Variants in DOCK3 observed in about 807,000 individuals in gnomAD.
DOCK3 encodes the protein dedicator of cytokinesis protein 3.
Under a neutral mutation model 265.6 loss-of-function variants are expected in DOCK3, and 60 were observed. That is an observed-to-expected ratio of 0.23 (90% CI 0.18 to 0.28). The LOEUF (loss-of-function observed/expected upper bound fraction) is 0.28. Among genes scored for constraint, DOCK3 ranks in the 10% least tolerant of loss-of-function variants. The pLI is 1.00. For missense variants in DOCK3, 1,981 were observed against 2,594.3 expected (o/e 0.76, Z 5.14); for synonymous variants, 881 against 938.0 (o/e 0.94, Z 1.11).
At position 50,687,784 on chromosome 3, in the gene DOCK3, C is replaced by CAAA. The variant is rs2034935274; in HGVS notation, c.37+12486_37+12488dup. Among the ~76,000 whole-genome samples, 4 of 152,316 alleles carry CAAA rather than the reference C, an allele frequency of 2.6e-5. No individual in the cohort carries two copies. In the South Asian group the frequency reaches 8.3e-4, roughly 32 times the overall value. On this transcript the variant is annotated intron_variant, in intron 1 of 52. Coordinates refer to ENST00000266037, the MANE Select transcript of DOCK3 (RefSeq NM_004947.5). Reference sequence around the variant, plus strand: ...CATTCCATCTATGCATATACTGACACAAAATGACCAGTTTAGTTTTCCTGA... The same window carrying CAAA: ...CATTCCATCTATGCATATACTGACACAAAAAAATGACCAGTTTAGTTTTCCTGA...
At chr3:50,923,650 C>T (rs1276072009) in intron 4 of DOCK3, among the ~76,000 whole-genome samples, 1 of 152,146 alleles carries the variant, frequency 6.6e-6, no homozygotes, top group East Asian at 1.9e-4. Context: ...TAAATATATA[C>T]ATGACATAGC....
intron 38 of DOCK3, among the ~76,000 whole-genome samples, chr3:51,347,372 C>T (rs1222836793): frequency 6.6e-6 from 1 of 152,116 alleles, no homozygotes; most frequent in Non-Finnish European, 1.5e-5. Flanking sequence ...GCCAGTTTTC[C>T]CAGCACCATT....
chr3:50,826,260 G>A (rs1480045581), intron 2 of DOCK3, among the ~76,000 whole-genome samples: 3 of 151,666 alleles, frequency 2.0e-5, no homozygotes, highest in Non-Finnish European at 4.4e-5. Context: ...ATATCTTAGA[G>A]CTGTCTTCCA....
At chr3:51,379,773 G>T (rs560899612) in intron 51 of DOCK3, among the ~76,000 whole-genome samples, 1 of 152,270 alleles carries the variant, frequency 6.6e-6, no homozygotes, top group Non-Finnish European at 1.5e-5. Flanking sequence ...AGCTCAGGAA[G>T]GCCATCCCAA....
At chr3:51,149,262 A>G (rs898774664) in intron 10 of DOCK3, among the ~76,000 whole-genome samples, 3 of 152,176 alleles carry the variant, frequency 2.0e-5, no homozygotes, top group African/African-American at 4.8e-5. Context: ...GGTTTTCTAA[A>G]TATACAATCA....
chr3:50,884,549 G>A (rs926209629), intron 3 of DOCK3, among the ~76,000 whole-genome samples: 35 of 152,088 alleles, frequency 2.3e-4, no homozygotes, highest in African/African-American at 8.0e-4. Context: ...TTCACTATAG[G>A]TAAGGTGTTG....
chr3:50,917,800 T>G (rs1187660579), intron 4 of DOCK3, among the ~76,000 whole-genome samples: 2 of 152,158 alleles, frequency 1.3e-5, no homozygotes, highest in Non-Finnish European at 2.9e-5. Flanking sequence ...AGGGTTCATG[T>G]GCATAACGTG....
chr3:50,817,028 C>T (rs1056570616), intron 2 of DOCK3, among the ~76,000 whole-genome samples: 15 of 152,172 alleles, frequency 9.9e-5, no homozygotes, highest in African/African-American at 3.4e-4. Flanking sequence ...AATGGCTACT[C>T]CATAGACTGA....
In DOCK3 at chr3:51,381,267, C is replaced by T; in HGVS notation, c.5801C>T (p.Pro1934Leu). 1 of 1,613,894 alleles carries T rather than the reference C, an allele frequency of 6.2e-7. No homozygotes were observed. Among genetic ancestry groups the T allele is most frequent in the Non-Finnish European group, 8.5e-7 (1 of 1,179,874 alleles). Residue 1934 changes from proline to leucine, a missense_variant, in exon 53 of 53, where the codon CCT becomes CTT. Coordinates refer to ENST00000266037, the MANE Select transcript of DOCK3 (RefSeq NM_004947.5). This position sits in a 1 kb window ranked among gnomAD's most constrained non-coding sequence, Gnocchi z 5.6. Reference protein sequence around the residue: ...ADEDLEPPYLPVHYSLSESAV... With the variant: ...ADEDLEPPYLLVHYSLSESAV... ...GAAGATCTTGAGCCACCCTACCTCC[C>T]TGTCCACTACAGCCTCTCTGAGTCT...
At chr3:50,733,174 G>C (rs2038326698) in intron 1 of DOCK3, among the ~76,000 whole-genome samples, 1 of 152,138 alleles carries the variant, frequency 6.6e-6, no homozygotes, top group African/African-American at 2.4e-5. Flanking sequence ...AGAATGTTCT[G>C]TGCATTTGAA....
intron 4 of DOCK3, among the ~76,000 whole-genome samples, chr3:50,903,175 T>C (rs2049293281): frequency 6.6e-6 from 1 of 152,224 alleles, no homozygotes; most frequent in African/African-American, 2.4e-5. Flanking sequence ...CTTGCCTGAC[T>C]GCCCTGACCA....
At chr3:50,866,715 C>A (rs1429343814) in intron 3 of DOCK3, among the ~76,000 whole-genome samples, 1 of 152,046 alleles carries the variant, frequency 6.6e-6, no homozygotes, top group Non-Finnish European at 1.5e-5. Context: ...GTTCTGGGCA[C>A]CTTTGTTGAA....
At chr3:50,992,385 T>C (rs1168506760) in intron 5 of DOCK3, among the ~76,000 whole-genome samples, 1 of 152,150 alleles carries the variant, frequency 6.6e-6, no homozygotes, top group Non-Finnish European at 1.5e-5. Context: ...GCAACCTCCA[T>C]CTGCCAGGTT....
intron 14 of DOCK3, among the ~76,000 whole-genome samples, chr3:51,224,467 C>A (rs1231233095): frequency 2.6e-5 from 4 of 152,214 alleles, no homozygotes; most frequent in Non-Finnish European, 4.4e-5. Context: ...TCATTTATCT[C>A]TGACCAAACC....
At chr3:50,824,303 A>G (rs1407539181) in intron 2 of DOCK3, among the ~76,000 whole-genome samples, 1 of 152,240 alleles carries the variant, frequency 6.6e-6, no homozygotes, top group Non-Finnish European at 1.5e-5. Flanking sequence ...ATGGGGAATT[A>G]TATAAGAGTT....
rs138799586 is a variant in DOCK3 at position 51,132,703 on chromosome 3, C to T, written c.747-13846C>T. Reference sequence around the variant, plus strand: ...GTTCTTATCATGCAAGTGGCTGTTCCGCAATGAAATATGCATGCACAGCCT... The same window carrying T: ...GTTCTTATCATGCAAGTGGCTGTTCTGCAATGAAATATGCATGCACAGCCT... On this transcript the variant is annotated intron_variant, in intron 9 of 52. Coordinates refer to ENST00000266037, the MANE Select transcript of DOCK3 (RefSeq NM_004947.5). 2.2e-3 allele frequency among the ~76,000 whole-genome samples: 334 copies of T among 152,234 alleles called. 1 individual carries two copies. Among genetic ancestry groups the T allele is most frequent in the African/African-American group, 7.4e-3 (308 of 41,534 alleles).
Position 51,346,600 on chromosome 3 carries a change from C to T in DOCK3, c.3916-2252C>T, listed in dbSNP as rs547394082. Among the ~76,000 whole-genome samples, 10 of 152,258 alleles carry T rather than the reference C, an allele frequency of 6.6e-5. No homozygotes were observed. In the South Asian group the frequency reaches 1.2e-3, roughly 19 times the overall value. On this transcript the variant is annotated intron_variant, in intron 38 of 52. Transcript: ENST00000266037. The stretch of plus-strand genomic sequence containing the variant: ...TTGTGAATGTGCTGCAATAAACATA[C>T]GTGTGCATGTGTGTTTAGAGCAGCA...
intron 19 of DOCK3, among the ~76,000 whole-genome samples, chr3:51,234,713 C>A (rs1359534464): frequency 6.6e-6 from 1 of 152,168 alleles, no homozygotes; most frequent in African/African-American, 2.4e-5. Context: ...TTCCTTACCC[C>A]TATGTTAACT....
chr3:51,143,174 A>C (rs1320887349), intron 9 of DOCK3, among the ~76,000 whole-genome samples: 1 of 151,566 alleles, frequency 6.6e-6, no homozygotes, highest in Non-Finnish European at 1.5e-5. Flanking sequence ...GGCGTGAGCC[A>C]CCGTGCCCGG....
Sources: allele counts gnomAD v4.1 joint callset (sites outside exome capture counted in the v4.1 genomes callset), GRCh38; gene constraint gnomAD v4.1.1; non-coding constraint Gnocchi (gnomAD v3.1); transcripts MANE v1.5; gene names NCBI Gene and HGNC (gene_info 2026-07-23, HGNC 2026-07-21).